Variants in PPP1R3A observed in about 807,000 individuals in gnomAD.
PPP1R3A encodes protein phosphatase 1 regulatory subunit 3A, also known as RG1.
PPP1R3A carries 29 observed loss-of-function variants against 41.7 expected under a neutral mutation model. The ratio of observed to expected loss-of-function variants is 0.70; its 90% CI spans 0.52 to 0.95. The LOEUF is 0.95. Ranked by LOEUF, PPP1R3A falls within the 40% of genes least tolerant of loss-of-function variation. The probability of loss-of-function intolerance (pLI) is 0.00; values close to 1 mark genes in which losing one functional copy is unlikely to be tolerated. For missense variants in PPP1R3A, 1,352 were observed against 1,292.4 expected (o/e 1.05, Z -0.71); for synonymous variants, 485 against 453.4 (o/e 1.07, Z -0.89).
intron 1 of PPP1R3A, among the ~76,000 whole-genome samples, chr7:113,891,245 TA>T (rs1796882752): frequency 6.6e-6 from 1 of 152,026 alleles, no homozygotes; most frequent in Non-Finnish European, 1.5e-5. Context: ...TGCCTACTCC[TA>T]ACACAGAGTA....
intron 1 of PPP1R3A, among the ~76,000 whole-genome samples, chr7:113,909,909 G>A (rs1385674069): frequency 6.6e-6 from 1 of 152,018 alleles, no homozygotes; most frequent in Non-Finnish European, 1.5e-5. Context: ...ATATGTATTA[G>A]TTTGTTCTCA....
intron 1 of PPP1R3A, among the ~76,000 whole-genome samples, chr7:113,910,040 G>T: frequency 6.6e-6 from 1 of 152,010 alleles, no homozygotes; most frequent in East Asian, 1.9e-4. Context: ...AGAAGCGAAG[G>T]CACATCTTAC....
intron 1 of PPP1R3A, among the ~76,000 whole-genome samples, chr7:113,903,212 G>T (rs1355832634): frequency 6.6e-6 from 1 of 151,668 alleles, no homozygotes; most frequent in Non-Finnish European, 1.5e-5. Flanking sequence ...TTGAAGGAAT[G>T]AATAATTTGG....
intron 1 of PPP1R3A, among the ~76,000 whole-genome samples, chr7:113,917,439 T>C (rs1311373921): frequency 1.3e-5 from 2 of 152,168 alleles, no homozygotes; most frequent in East Asian, 3.9e-4. Context: ...GTTTTTCTTA[T>C]TTTTCACATT....
At chr7:113,912,536 C>T (rs1254587498) in intron 1 of PPP1R3A, among the ~76,000 whole-genome samples, 1 of 151,972 alleles carries the variant, frequency 6.6e-6, no homozygotes, top group Non-Finnish European at 1.5e-5. Flanking sequence ...GCAATCGGAT[C>T]CACTTCAGAT....
chr7:113,882,375 T>C, intron 1 of PPP1R3A, 55 bp from the exon 2 acceptor site: 2 of 1,076,928 alleles, frequency 1.9e-6, no homozygotes, highest in South Asian at 2.6e-5. Context: ...ATCTTCTAAG[T>C]ATTTTTACAC....
At chr7:113,887,323 A>C (rs1796802098) in intron 1 of PPP1R3A, among the ~76,000 whole-genome samples, 1 of 151,912 alleles carries the variant, frequency 6.6e-6, no homozygotes, top group African/African-American at 2.4e-5. Context: ...GTGTACCTTA[A>C]ATTATATAAT....
chr7:113,891,623 C>T (rs919404985), intron 1 of PPP1R3A, among the ~76,000 whole-genome samples: 1 of 151,998 alleles, frequency 6.6e-6, no homozygotes, highest in Non-Finnish European at 1.5e-5. Flanking sequence ...TGATAATTTG[C>T]ACCTTCTTTC....
chr7:113,884,986 T>A (rs939099469), intron 1 of PPP1R3A, among the ~76,000 whole-genome samples: 2 of 152,124 alleles, frequency 1.3e-5, no homozygotes, highest in Non-Finnish European at 2.9e-5. Context: ...TATAATTTTA[T>A]ACTCATTTAA....
chr7:113,883,908 C>G (rs1387833880), intron 1 of PPP1R3A, among the ~76,000 whole-genome samples: 1 of 151,838 alleles, frequency 6.6e-6, no homozygotes, highest in Non-Finnish European at 1.5e-5. Flanking sequence ...GGACAGGAGC[C>G]TGCTTTAACT....
intron 1 of PPP1R3A, among the ~76,000 whole-genome samples, chr7:113,911,680 T>C (rs1347209443): frequency 2.0e-5 from 3 of 152,106 alleles, no homozygotes; most frequent in African/African-American, 2.4e-5. Context: ...CATTTACCCA[T>C]AGAAGCAATG....
rs779628301 is a variant in PPP1R3A, at chr7:113,918,356, G to A, written c.641C>T (p.Ser214Phe). Residue 214 changes from serine to phenylalanine, a missense_variant, in exon 1 of 4, where the codon TCT becomes TTT. Ser to Phe is a radical substitution (Grantham distance 155, BLOSUM62 -2). Transcript: ENST00000284601. ...KVEFCIRYET[S>F]VGTFWSNNNG... ...ATTATTTGACCAAAATGTACCAACA[G>A]AAGTTTCATAACGTATACAAAACTC... 1 of 1,613,340 alleles carries A rather than the reference G, an allele frequency of 6.2e-7. No homozygotes were observed. The highest frequency in any genetic ancestry group is 1.3e-5 in the African/African-American group (1 of 74,974).
At chr7:113,885,603 A>G (rs1796771150) in intron 1 of PPP1R3A, among the ~76,000 whole-genome samples, 1 of 151,916 alleles carries the variant, frequency 6.6e-6, no homozygotes. Flanking sequence ...ACCCAAATCA[A>G]CAGAAGAATA....
intron 1 of PPP1R3A, among the ~76,000 whole-genome samples, chr7:113,886,776 C>G: frequency 6.6e-6 from 1 of 152,152 alleles, no homozygotes; most frequent in African/African-American, 2.4e-5. Context: ...CCAATTAGAT[C>G]TAAAGAGTTG....
At chr7:113,881,543 A>G (rs1055448767) in intron 3 of PPP1R3A, among the ~76,000 whole-genome samples, 1 of 151,968 alleles carries the variant, frequency 6.6e-6, no homozygotes, top group Non-Finnish European at 1.5e-5. Flanking sequence ...GGCACAGGCT[A>G]TTTTCTTTTT....
intron 1 of PPP1R3A, among the ~76,000 whole-genome samples, chr7:113,903,130 C>G (rs889110734): frequency 6.6e-6 from 1 of 151,706 alleles, no homozygotes; most frequent in Non-Finnish European, 1.5e-5. Context: ...TCCTATATAT[C>G]CATCTAAGAG....
intron 1 of PPP1R3A, among the ~76,000 whole-genome samples, chr7:113,902,124 C>T (rs953792502): frequency 5.3e-5 from 8 of 151,638 alleles, no homozygotes; most frequent in African/African-American, 1.9e-4. Context: ...TTCCTCTTCT[C>T]TCTTTGTGTG....
chr7:113,918,256 A>C lies in PPP1R3A; in HGVS notation c.741T>G (p.Val247=), dbSNP rs775378249. 8 of 1,606,876 alleles carry C rather than the reference A, an allele frequency of 5.0e-6. No homozygotes were observed. Among genetic ancestry groups the C allele is most frequent in the Non-Finnish European group, 6.8e-6 (8 of 1,177,536 alleles). The change falls in exon 1 of 4, where the codon GTT becomes GTG. Residue 247 remains valine, a synonymous_variant. Coordinates refer to ENST00000284601, the MANE Select transcript of PPP1R3A (RefSeq NM_002711.4). ...AGCAGCCTTTTATTTGTCTGTTAGG[A>C]ACTTCTTTCCATGGTTTTACAGGCT... ...EPEPVKPWKE[V]PNRQIKGCLK... is the part of the protein sequence containing the mutation.
At chr7:113,896,432 C>T (rs573937665) in intron 1 of PPP1R3A, among the ~76,000 whole-genome samples, 1 of 151,960 alleles carries the variant, frequency 6.6e-6, no homozygotes, top group Non-Finnish European at 1.5e-5. Flanking sequence ...ATACAAACCA[C>T]TTGCTTGCAC....
Sources: allele counts gnomAD v4.1 joint callset (sites outside exome capture counted in the v4.1 genomes callset), GRCh38; gene constraint gnomAD v4.1.1; transcripts MANE v1.5; gene names NCBI Gene and HGNC (gene_info 2026-07-23, HGNC 2026-07-21).